The following SLC4A4 variants were observed in gnomAD, a reference collection of about 807,000 sequenced individuals.
SLC4A4 encodes solute carrier family 4 member 4, also known as electrogenic sodium bicarbonate cotransporter 1.
In SLC4A4, 27 loss-of-function variants were observed where a neutral mutation model predicts 111.5. The observed-to-expected ratio is 0.24, with a 90% CI of 0.18 to 0.33. The LOEUF (loss-of-function observed/expected upper bound fraction) is 0.33, where lower values mean the gene tolerates loss of function less well. SLC4A4 is among the 10% of genes least tolerant of loss of function. SLC4A4 has a pLI of 1.00. For synonymous variants in SLC4A4, 443 were observed against 463.4 expected (o/e 0.96, Z 0.57); for missense variants, 909 against 1,315.5 (o/e 0.69, Z 4.78).
At chr4:71,387,520 G>C (rs1357406964) in intron 6 of SLC4A4, among the ~76,000 whole-genome samples, 1 of 151,992 alleles carries the variant, frequency 6.6e-6, no homozygotes, top group Non-Finnish European at 1.5e-5. Flanking sequence ...TTGAAATAAA[G>C]TTTCACTCTT....
At chr4:71,323,164 T>A (rs1727249685) in intron 3 of SLC4A4, among the ~76,000 whole-genome samples, 1 of 152,060 alleles carries the variant, frequency 6.6e-6, no homozygotes. Context: ...TTAATTGGCT[T>A]GTTTTCCTTA....
chr4:71,326,065 C>T (rs1334160502), intron 3 of SLC4A4, among the ~76,000 whole-genome samples: 1 of 151,690 alleles, frequency 6.6e-6, no homozygotes, highest in African/African-American at 2.4e-5. Context: ...GAATGCACTA[C>T]CTTATGTCTA....
intron 1 of SLC4A4, among the ~76,000 whole-genome samples, chr4:71,227,030 G>A (rs1719092200): frequency 6.6e-6 from 1 of 152,150 alleles, no homozygotes; most frequent in African/African-American, 2.4e-5. Context: ...ACAGTTGAGT[G>A]ATGATAAGTT....
chr4:71,417,530 T>A (rs531897169), intron 7 of SLC4A4, among the ~76,000 whole-genome samples: 1 of 152,324 alleles, frequency 6.6e-6, no homozygotes, highest in African/African-American at 2.4e-5. Flanking sequence ...GAAAATAACT[T>A]ATTATAAAAG....
intron 2 of SLC4A4, among the ~76,000 whole-genome samples, chr4:71,170,008 C>A (rs1246958808): frequency 2.0e-5 from 3 of 152,208 alleles, no homozygotes; most frequent in Non-Finnish European, 4.4e-5. Context: ...TGTTCCTCAA[C>A]CCTCAAGTGC....
chr4:71,298,134 A>G (rs1357067358), intron 3 of SLC4A4, among the ~76,000 whole-genome samples: 7 of 152,248 alleles, frequency 4.6e-5, no homozygotes, highest in African/African-American at 1.2e-4. Flanking sequence ...CTGCCACACA[A>G]ATGTTGATTA....
chr4:71,466,361 C>T (rs1007780985), intron 12 of SLC4A4, 83 bp from the exon 13 acceptor site: 39 of 1,499,268 alleles, frequency 2.6e-5, no homozygotes, highest in East Asian at 9.1e-5. Flanking sequence ...AGTATATTCA[C>T]GTGGCTTTAT....
At chr4:71,301,047 T>C (rs563406942) in intron 3 of SLC4A4, 6 of 410,002 alleles carry the variant, frequency 1.5e-5, no homozygotes, top group Non-Finnish European at 3.0e-5. Context: ...AGAAGGTGCT[T>C]AACAGTAGCT....
chr4:71,514,270 A>T (rs1317902822), intron 16 of SLC4A4, among the ~76,000 whole-genome samples: 1 of 152,114 alleles, frequency 6.6e-6, no homozygotes, highest in East Asian at 1.9e-4. Flanking sequence ...TGCTGCTCTC[A>T]TGATAGTGAG....
At chr4:71,522,573 A>T (rs1013337960) in intron 16 of SLC4A4, among the ~76,000 whole-genome samples, 1 of 152,192 alleles carries the variant, frequency 6.6e-6, no homozygotes, top group African/African-American at 2.4e-5. Flanking sequence ...ATTAGGCAAA[A>T]TTATTGATAC....
intron 1 of SLC4A4, among the ~76,000 whole-genome samples, chr4:71,067,924 A>C (rs1262080086): frequency 6.6e-6 from 1 of 151,724 alleles, no homozygotes; most frequent in East Asian, 1.9e-4. Context: ...ATTTTTAAAA[A>C]TTTTTGTAGA....
At position 71,248,976 on chromosome 4, in the gene SLC4A4, C is replaced by T. The variant is rs118128287; in HGVS notation, c.74-6244C>T. On this transcript the variant is annotated intron_variant, in intron 2 of 25. Transcript: ENST00000264485. ...TCCTTTGAGACCTTTTATTCTGTAG[C>T]TCTTAGTTCTTGCCTAGAGATTGTT... Among the ~76,000 whole-genome samples the T allele has an allele frequency of 3.1e-4, 47 of 152,238 alleles. 1 individual carries two copies. In the East Asian group the frequency reaches 8.7e-3, roughly 28 times the overall value.
At chr4:71,529,534 C>T (rs965482728) in intron 16 of SLC4A4, among the ~76,000 whole-genome samples, 3 of 152,000 alleles carry the variant, frequency 2.0e-5, no homozygotes, top group African/African-American at 4.8e-5. Flanking sequence ...TTTTGCAGGG[C>T]GTCCAGTTTA....
At chr4:71,427,927 T>C (rs1209312870) in intron 7 of SLC4A4, among the ~76,000 whole-genome samples, 1 of 152,170 alleles carries the variant, frequency 6.6e-6, no homozygotes. Context: ...TAGATGAAGA[T>C]GTCAAGTCTG....
intron 16 of SLC4A4, among the ~76,000 whole-genome samples, chr4:71,516,258 G>C (rs112916123): frequency 3.3e-5 from 5 of 151,460 alleles, no homozygotes; most frequent in African/African-American, 4.9e-5. Flanking sequence ...ACCACGCCCG[G>C]CTAATTTTTT....
Position 71,366,629 on chromosome 4 carries a change from G to A in SLC4A4, c.730+9442G>A, listed in dbSNP as rs1731355128. Reference sequence around the variant, plus strand: ...TGTAAAGAGAATATGTAAGATAATAGCAAGGCTAAGCTGTTTATTTTGTAG... The same window carrying A: ...TGTAAAGAGAATATGTAAGATAATAACAAGGCTAAGCTGTTTATTTTGTAG... On this transcript the variant is annotated intron_variant, in intron 6 of 25. Transcript: ENST00000264485. 2.0e-5 allele frequency among the ~76,000 whole-genome samples: 3 copies of A among 152,246 alleles called. No individual in the cohort carries two copies. In the South Asian group the frequency reaches 6.2e-4, roughly 32 times the overall value.
chr4:71,362,211 G>C (rs1730858637), intron 6 of SLC4A4, among the ~76,000 whole-genome samples: 1 of 152,192 alleles, frequency 6.6e-6, no homozygotes, highest in Non-Finnish European at 1.5e-5. Flanking sequence ...AGGTCTGGGA[G>C]TATAGATGCC....
chr4:71,520,504 G>A (rs1440211219), intron 16 of SLC4A4, among the ~76,000 whole-genome samples: 1 of 152,178 alleles, frequency 6.6e-6, no homozygotes, highest in Non-Finnish European at 1.5e-5. Context: ...TCTAGTGCCA[G>A]CACTACCACT....
At chr4:71,399,428 C>T (rs1051465128) in intron 7 of SLC4A4, among the ~76,000 whole-genome samples, 5 of 149,832 alleles carry the variant, frequency 3.3e-5, no homozygotes, top group Non-Finnish European at 3.0e-5. Flanking sequence ...TCCATTCTCC[C>T]GTCCCTTCCC....
Sources: gnomAD v4.1 joint callset for allele counts (sites outside exome capture counted in the v4.1 genomes callset) on GRCh38, gnomAD v4.1.1 for gene constraint, MANE v1.5 for transcripts, NCBI Gene and HGNC (gene_info 2026-07-23, HGNC 2026-07-21) for gene names.